ST8SIA1: variants seen among roughly 807,000 people sequenced by gnomAD.
ST8SIA1 encodes the protein alpha-N-acetylneuraminide alpha-2,8-sialyltransferase.
A neutral mutation model predicts 35.9 loss-of-function variants in ST8SIA1; 16 were observed. The observed-to-expected ratio is 0.45, with a 90% CI of 0.30 to 0.68. ST8SIA1 has a LOEUF of 0.68. Ranked by LOEUF, ST8SIA1 falls within the 30% of genes least tolerant of loss-of-function variation. ST8SIA1 has a pLI of 0.09. For missense variants in ST8SIA1, 383 were observed against 453.6 expected, an observed-to-expected ratio of 0.84 and a Z score of 1.41; for synonymous variants, 170 against 169.6, an observed-to-expected ratio of 1.00 and a Z score of -0.02.
At chr12:22,221,784 C>T (rs1865303055) in intron 4 of ST8SIA1, among the ~76,000 whole-genome samples, 2 of 152,194 alleles carry the variant, frequency 1.3e-5, no homozygotes, top group Admixed American at 1.3e-4. Context: ...CTTTTCCTTG[C>T]TTATACCTAT....
intron 2 of ST8SIA1, among the ~76,000 whole-genome samples, chr12:22,261,952 C>T (rs780302568): frequency 9.9e-5 from 15 of 152,088 alleles, no homozygotes; most frequent in East Asian, 1.9e-4. Flanking sequence ...GCAGCTTACA[C>T]GCTAAATAGA....
intron 1 of ST8SIA1, among the ~76,000 whole-genome samples, chr12:22,292,585 T>G (rs1866191439): frequency 1.3e-5 from 2 of 152,066 alleles, no homozygotes; most frequent in Admixed American, 1.3e-4. Flanking sequence ...AAGGAGGAAA[T>G]CATGTCCTTT....
intron 1 of ST8SIA1, among the ~76,000 whole-genome samples, chr12:22,303,728 T>C (rs529431042): frequency 2.0e-4 from 31 of 152,224 alleles, no homozygotes; most frequent in Non-Finnish European, 1.5e-5. Context: ...TTCCGTCTTT[T>C]TCCCATTGGG....
At chr12:22,278,132 C>T (rs1186702584) in intron 2 of ST8SIA1, among the ~76,000 whole-genome samples, 1 of 152,182 alleles carries the variant, frequency 6.6e-6, no homozygotes, top group Non-Finnish European at 1.5e-5. Flanking sequence ...GTTGTGCTGG[C>T]AGCAGGGCAT....
intron 4 of ST8SIA1, among the ~76,000 whole-genome samples, chr12:22,244,406 G>A (rs1565576196): frequency 6.6e-6 from 1 of 151,968 alleles, no homozygotes; most frequent in African/African-American, 2.4e-5. Context: ...GTTCCTTATA[G>A]TTTTACTTGC....
Position 22,195,970 on chromosome 12 carries a change from G to A in ST8SIA1, c.*5582C>T, listed in dbSNP as rs1864982692. On this transcript the variant is annotated 3_prime_UTR_variant, in exon 5 of 5. Transcript: ENST00000396037. ...GTTTAATTACATAGAAGCAGAAAGA[G>A]GCAGGATCAATATATTTGGATATTA... 1 of 152,118 alleles carries A rather than the reference G, an allele frequency of 6.6e-6. No individual in the cohort carries two copies. The highest frequency in any genetic ancestry group is 1.5e-5 in the Non-Finnish European group (1 of 68,034). The allele number at this position is 152,118 out of a possible 1,614,324, so 9.4% of individuals were successfully genotyped here.
intron 4 of ST8SIA1, among the ~76,000 whole-genome samples, chr12:22,238,930 T>C (rs1865507342): frequency 6.6e-6 from 1 of 152,212 alleles, no homozygotes; most frequent in South Asian, 2.1e-4. Context: ...AAAATCTGTG[T>C]CTGTTTTTCA....
intron 4 of ST8SIA1, among the ~76,000 whole-genome samples, chr12:22,225,312 G>T (rs1202519650): frequency 6.6e-6 from 1 of 152,028 alleles, no homozygotes; most frequent in Non-Finnish European, 1.5e-5. Context: ...AAGTTATTTT[G>T]TGCTCAAAGA....
At chr12:22,229,524 G>C (rs527592436) in intron 4 of ST8SIA1, among the ~76,000 whole-genome samples, 1 of 151,566 alleles carries the variant, frequency 6.6e-6, no homozygotes, top group South Asian at 2.1e-4. Context: ...GCCAAAGTGG[G>C]AGGATTGCTT....
At chr12:22,276,439 C>G (rs1865969646) in intron 2 of ST8SIA1, among the ~76,000 whole-genome samples, 1 of 152,178 alleles carries the variant, frequency 6.6e-6, no homozygotes, top group Non-Finnish European at 1.5e-5. Flanking sequence ...AGAGCACCCC[C>G]CAAACACGCA....
At chr12:22,248,859 A>G (rs984393674) in intron 4 of ST8SIA1, 147 bp downstream of exon 4, 2 of 582,194 alleles carry the variant, frequency 3.4e-6, no homozygotes, top group Admixed American at 6.4e-5. Flanking sequence ...TGTTTTCTTT[A>G]TTTACAATTC....
chr12:22,220,215 G>A (rs1382882478), intron 4 of ST8SIA1, among the ~76,000 whole-genome samples: 1 of 152,090 alleles, frequency 6.6e-6, no homozygotes, highest in Non-Finnish European at 1.5e-5. Flanking sequence ...TGAGACACGA[G>A]CACTCAAATA....
rs1864955282 is a variant in ST8SIA1 at position 22,194,138 on chromosome 12, G to C, written c.*7414C>G. The C allele has an allele frequency of 6.6e-6, 1 of 152,096 alleles. No homozygotes were observed. The highest frequency in any genetic ancestry group is 6.6e-5 in the Admixed American group (1 of 15,264). The allele number at this position is 152,096 out of a possible 1,614,324, so 9.4% of individuals were successfully genotyped here. A position where few individuals can be genotyped will look rare whatever the true frequency, so the allele number is the denominator to read the frequency against. On this transcript the variant is annotated 3_prime_UTR_variant, in exon 5 of 5. Coordinates refer to ENST00000396037, the MANE Select transcript of ST8SIA1 (RefSeq NM_003034.4). The stretch of plus-strand genomic sequence containing the variant: ...AGTGTCTCTATGATGTACCCTAGTG[G>C]CCATCAGACATCCTAAATTGTGAGT...
At chr12:22,262,708 A>C (rs941242064) in intron 2 of ST8SIA1, among the ~76,000 whole-genome samples, 6 of 152,248 alleles carry the variant, frequency 3.9e-5, no homozygotes, top group Admixed American at 2.6e-4. Flanking sequence ...AGTAATTTTC[A>C]CAGGAATGCA....
At chr12:22,237,759 T>C (rs1865492329) in intron 4 of ST8SIA1, among the ~76,000 whole-genome samples, 1 of 151,824 alleles carries the variant, frequency 6.6e-6, no homozygotes, top group African/African-American at 2.4e-5. Flanking sequence ...TTTTTTCTTG[T>C]TTTTTTAGTA....
rs1210232882 is a variant in ST8SIA1, at chr12:22,202,056, A to G, written c.585-18T>C. Reference sequence around the variant, plus strand: ...TCTGAAACCTATTGAAGAAAAAAAAAACTGTTCAATTAAACCTAGAGAAAA... The same window carrying G: ...TCTGAAACCTATTGAAGAAAAAAAAGACTGTTCAATTAAACCTAGAGAAAA... On this transcript the variant is annotated intron_variant, in intron 4 of 4. Transcript: ENST00000396037. 6.5e-7 allele frequency: 1 copy of G among 1,548,224 alleles called. No individual in the cohort carries two copies. The highest frequency in any genetic ancestry group is 8.6e-7 in the Non-Finnish European group (1 of 1,157,748).
intron 3 of ST8SIA1, among the ~76,000 whole-genome samples, chr12:22,250,072 T>C (rs1025940466): frequency 9.9e-5 from 15 of 152,134 alleles, no homozygotes; most frequent in African/African-American, 3.6e-4. Flanking sequence ...ACAGGTGATG[T>C]TTCCCTGGTG....
At chr12:22,241,210 T>C (rs944174576) in intron 4 of ST8SIA1, among the ~76,000 whole-genome samples, 3 of 152,166 alleles carry the variant, frequency 2.0e-5, no homozygotes, top group Non-Finnish European at 2.9e-5. Context: ...CAGAAGGTAA[T>C]ATGTTTTGTA....
intron 1 of ST8SIA1, among the ~76,000 whole-genome samples, chr12:22,319,287 T>G (rs922161448): frequency 2.0e-5 from 3 of 152,162 alleles, no homozygotes; most frequent in African/African-American, 7.2e-5. Flanking sequence ...AGGGTTAAAT[T>G]GACTGATAAA....
Sources: allele counts gnomAD v4.1 joint callset (sites outside exome capture counted in the v4.1 genomes callset), GRCh38; gene constraint gnomAD v4.1.1; transcripts MANE v1.5; gene names NCBI Gene and HGNC (gene_info 2026-07-23, HGNC 2026-07-21).